ARHGEF16: variants seen among roughly 807,000 people sequenced by gnomAD.
ARHGEF16 encodes the protein Rho guanine nucleotide exchange factor 16, also known as Rho guanine exchange factor (GEF) 16.
In ARHGEF16, 59 loss-of-function variants were observed where a neutral mutation model predicts 74.1. The ratio of observed to expected loss-of-function variants is 0.80; its 90% CI spans 0.65 to 0.99. The LOEUF is 0.99. Ranked by LOEUF, ARHGEF16 falls within the 50% of genes least tolerant of loss-of-function variation. The pLI is 0.00. For missense variants in ARHGEF16, 948 were observed against 986.6 expected (o/e 0.96, Z 0.52); for synonymous variants, 415 against 412.6 (o/e 1.01, Z -0.07).
chr1:3,466,217 C>T (rs956125023), intron 3 of ARHGEF16, 24 bp downstream of exon 3: 14 of 1,532,042 alleles, frequency 9.1e-6, no homozygotes, highest in African/African-American at 2.8e-5. Context: ...CGGGAGGCAC[C>T]GCGGGCTGGG....
intron 1 of ARHGEF16, among the ~76,000 whole-genome samples, chr1:3,459,625 G>T (rs1026808790): frequency 3.9e-5 from 6 of 152,100 alleles, no homozygotes; most frequent in Non-Finnish European, 7.4e-5. Context: ...AGGACGGGGG[G>T]TGTCTGGGAA....
chr1:3,480,511 G>T lies in ARHGEF16; in HGVS notation c.2054G>T (p.Arg685Leu). 1 of 1,612,494 alleles carries T rather than the reference G, an allele frequency of 6.2e-7. No individual in the cohort carries two copies. Among genetic ancestry groups the T allele is most frequent in the Non-Finnish European group, 8.5e-7 (1 of 1,179,966 alleles). Reference protein sequence around the residue: ...ETGWFPEDFARFITSRVAVEG... With the variant: ...ETGWFPEDFALFITSRVAVEG... ...GGATGGTTCCCCGAGGACTTTGCCC[G>T]CTTCATCACCAGCCGTGTGGCCGTG... The change falls in exon 15 of 15, where the codon CGC (arginine) becomes CTC (leucine). Residue 685 changes from arginine to leucine, a missense_variant. Coordinates refer to ENST00000378378, the MANE Select transcript of ARHGEF16 (RefSeq NM_014448.4).
intron 8 of ARHGEF16, 23 bp downstream of exon 8, chr1:3,473,545 G>A (rs1385588853): frequency 2.5e-6 from 4 of 1,602,632 alleles, no homozygotes; most frequent in Non-Finnish European, 3.4e-6. Flanking sequence ...CCTGAGGGTG[G>A]GGCCGGGCAT....
chr1:3,470,759 G>A (rs957886466), intron 6 of ARHGEF16, among the ~76,000 whole-genome samples: 4 of 147,696 alleles, frequency 2.7e-5, no homozygotes, highest in South Asian at 2.2e-4. Context: ...CCCAAGGCCC[G>A]GAGGGTGGCT....
chr1:3,455,626 T>C (rs1407926297), intron 1 of ARHGEF16, among the ~76,000 whole-genome samples: 1 of 152,116 alleles, frequency 6.6e-6, no homozygotes, highest in African/African-American at 2.4e-5. Flanking sequence ...ATCTTCTCTG[T>C]GTCCTTGAGG....
At chr1:3,468,801 A>C (rs1639621466) in intron 4 of ARHGEF16, 79 bp from the exon 5 acceptor site, 1 of 1,501,732 alleles carries the variant, frequency 6.7e-7, no homozygotes, top group African/African-American at 1.4e-5. Flanking sequence ...CTGGTCCATC[A>C]GGAGGAGGAA....
chr1:3,468,665 G>A (rs1639616511), intron 4 of ARHGEF16: 1 of 587,310 alleles, frequency 1.7e-6, no homozygotes, highest in Admixed American at 2.9e-5. Context: ...CGGCTGGGGG[G>A]AGCGGGGGGC....
In ARHGEF16 at chr1:3,468,860, C is replaced by T. The variant is rs911630830; in HGVS notation, c.805-20C>T. The stretch of plus-strand genomic sequence containing the variant: ...TTCTAGGACGTGTGACCGAGAGCTC[C>T]TGGGCCTGTGTCCCCCCAGGTGGTG... On this transcript the variant is annotated intron_variant, in intron 4 of 14. Transcript: ENST00000378378. The T allele has an allele frequency of 3.2e-6, 5 of 1,550,274 alleles. No individual in the cohort carries two copies. In the African/African-American group the frequency reaches 6.8e-5, roughly 21 times the overall value.
rs541615611 is a variant in ARHGEF16 at position 3,463,439 on chromosome 1, C to T, written c.355C>T (p.Arg119Trp). 207 of 1,545,970 alleles carry T rather than the reference C, an allele frequency of 1.3e-4. No individual in the cohort carries two copies. The African/African-American group carries it at 2.1e-3, about 16-fold the overall frequency. ...GGCTGTACTTAGCAGGGAGGCCGCC[C>T]GGCGGGACCCTAAGCTCCTCCCAGC... ...GAAVLSREAA[R>W]RDPKLLPAPS... The change falls in exon 2 of 15, where the codon CGG (arginine) becomes TGG (tryptophan). Residue 119 changes from arginine (R) to tryptophan (W), a missense_variant. By Grantham distance (101) the Arg-to-Trp change is moderately radical. Coordinates refer to ENST00000378378, the MANE Select transcript of ARHGEF16 (RefSeq NM_014448.4).
chr1:3,475,654 C>T (rs113780259), intron 9 of ARHGEF16, among the ~76,000 whole-genome samples: 1 of 3,120 alleles, frequency 3.2e-4, no homozygotes, highest in African/African-American at 7.1e-4. Context: ...CCTTTCACAG[C>T]GCTGACAGGG....
At chr1:3,472,466 T>C (rs1347401085) in intron 6 of ARHGEF16, among the ~76,000 whole-genome samples, 1 of 152,048 alleles carries the variant, frequency 6.6e-6, no homozygotes, top group East Asian at 1.9e-4. Flanking sequence ...GACTGTTCCC[T>C]CAGAACGGGG....
chr1:3,456,602 C>T (rs1468768804), intron 1 of ARHGEF16, among the ~76,000 whole-genome samples: 2 of 152,208 alleles, frequency 1.3e-5, no homozygotes, highest in African/African-American at 4.8e-5. Context: ...CCTTACCTGC[C>T]CGGGAAAATA....
intron 2 of ARHGEF16, among the ~76,000 whole-genome samples, chr1:3,464,568 C>G (rs1639490735): frequency 6.6e-6 from 1 of 152,182 alleles, no homozygotes; most frequent in African/African-American, 2.4e-5. Context: ...GAATGCAGAG[C>G]AGATGCAGGG....
chr1:3,471,789 G>A, intron 6 of ARHGEF16: 3 of 1,098,682 alleles, frequency 2.7e-6, no homozygotes, highest in Non-Finnish European at 3.4e-6. Flanking sequence ...ATCGCTATTT[G>A]GGGTAAGCGG....
chr1:3,480,335 G>C, intron 14 of ARHGEF16, 113 bp from the exon 15 acceptor site: 2 of 1,441,472 alleles, frequency 1.4e-6, no homozygotes, highest in Non-Finnish European at 1.9e-6. Context: ...GCAGGAGCAG[G>C]TGGTCAGTTC....
intron 7 of ARHGEF16, 36 bp downstream of exon 7, chr1:3,473,266 A>G (rs759844460): frequency 3.1e-6 from 5 of 1,606,342 alleles, no homozygotes; most frequent in East Asian, 4.5e-5. Flanking sequence ...AGGGTGGCTC[A>G]GGAGCATCCT....
chr1:3,477,796 C>A, intron 10 of ARHGEF16, 79 bp from the exon 11 acceptor site: 1 of 1,395,176 alleles, frequency 7.2e-7, no homozygotes, highest in Non-Finnish European at 1.0e-6. Flanking sequence ...GTCCTTGACC[C>A]CCTGGGGACC....
chr1:3,460,559 C>T (rs59183260), intron 1 of ARHGEF16, among the ~76,000 whole-genome samples: 5,567 of 152,240 alleles, frequency 0.037, 149 homozygotes, highest in African/African-American at 0.071. Context: ...ATAAAAGGAC[C>T]GCAGGGCCGT....
intron 10 of ARHGEF16, among the ~76,000 whole-genome samples, chr1:3,477,594 C>G (rs1345368715): frequency 2.0e-5 from 3 of 151,594 alleles, no homozygotes; most frequent in Non-Finnish European, 4.4e-5. Context: ...CACTGGCCTT[C>G]GAGTCCTGGC....
Sources: allele counts gnomAD v4.1 joint callset (sites outside exome capture counted in the v4.1 genomes callset), GRCh38; gene constraint gnomAD v4.1.1; transcripts MANE v1.5; gene names NCBI Gene and HGNC (gene_info 2026-07-23, HGNC 2026-07-21).